The following PLXND1 variants were observed in gnomAD, a reference collection of about 807,000 sequenced individuals.
PLXND1 encodes plexin-D1.
Under a neutral mutation model 197.7 loss-of-function variants are expected in PLXND1, and 54 were observed. The observed-to-expected ratio is 0.27, with a 90% CI of 0.22 to 0.34. The LOEUF is 0.34. Ranked by LOEUF, PLXND1 falls within the 10% of genes least tolerant of loss-of-function variation. The probability of loss-of-function intolerance (pLI) is 1.00; values close to 1 mark genes in which losing one functional copy is unlikely to be tolerated. For missense variants in PLXND1, 2,127 were observed against 2,699.2 expected (o/e 0.79, Z 4.70); for synonymous variants, 1,180 against 1,161.2 (o/e 1.02, Z -0.33).
chr3:129,565,196 G>A, intron 25 of PLXND1, 144 bp downstream of exon 25: 1 of 682,276 alleles, frequency 1.5e-6, no homozygotes, highest in Admixed American at 2.3e-5. Context: ...AGGTCCTACG[G>A]GCCTGGCCTG....
At chr3:129,605,140 C>G (rs2085764647) in intron 1 of PLXND1, among the ~76,000 whole-genome samples, 189 bp downstream of exon 1, 1 of 152,210 alleles carries the variant, frequency 6.6e-6, no homozygotes, top group Non-Finnish European at 1.5e-5. Context: ...CTGGGCCATA[C>G]AGGCGCCAGT....
intron 1 of PLXND1, among the ~76,000 whole-genome samples, chr3:129,597,950 G>T (rs2085652419): frequency 6.6e-6 from 1 of 152,174 alleles, no homozygotes; most frequent in Non-Finnish European, 1.5e-5. Flanking sequence ...AGCCACAGTG[G>T]GGGCTCCGGG....
chr3:129,592,637 C>A (rs2085561601), intron 1 of PLXND1, among the ~76,000 whole-genome samples: 1 of 151,562 alleles, frequency 6.6e-6, no homozygotes, highest in Non-Finnish European at 1.5e-5. Context: ...CCCGCGCTGA[C>A]TTTCACAAGC....
chr3:129,565,934 G>A lies in PLXND1; in HGVS notation c.4275C>T (p.Val1425=), dbSNP rs1578313739. 3 of 1,614,216 alleles carry A rather than the reference G, an allele frequency of 1.9e-6. No individual in the cohort carries two copies. The African/African-American group carries it at 4.0e-5, about 22-fold the overall frequency. The change falls in exon 24 of 36, where the codon GTC becomes GTT. Residue 1425 remains valine (V), a synonymous_variant. Transcript: ENST00000324093. ...TCTGCTGCTCCAGCGCGTGGACAAAGACGATGAGGAAGTGCTTGTTGTTGA... is the reference window on the plus strand; with the variant it reads ...TCTGCTGCTCCAGCGCGTGGACAAAAACGATGAGGAAGTGCTTGTTGTTGA... ...SLLNNKHFLI[V]FVHALEQQKD...
chr3:129,565,737 C>T (rs534901117), intron 24 of PLXND1, 150 bp downstream of exon 24: 44 of 933,966 alleles, frequency 4.7e-5, no homozygotes, highest in South Asian at 8.2e-5. Context: ...CATCGTGCCC[C>T]GTGAGCCAAG....
At chr3:129,592,244 C>T (rs541563258) in intron 1 of PLXND1, among the ~76,000 whole-genome samples, 34 of 152,322 alleles carry the variant, frequency 2.2e-4, no homozygotes, top group Admixed American at 5.9e-4. Context: ...CCCAACCAGG[C>T]GGGGTCCCAC....
chr3:129,578,246 C>G (rs1012061762), intron 9 of PLXND1, 83 bp downstream of exon 9: 12 of 838,438 alleles, frequency 1.4e-5, no homozygotes, highest in South Asian at 4.3e-5. Context: ...AGGGGTCACA[C>G]CAGGACATGG....
At chr3:129,585,378 G>A (rs1271996760) in intron 5 of PLXND1, among the ~76,000 whole-genome samples, 5 of 152,176 alleles carry the variant, frequency 3.3e-5, no homozygotes, top group East Asian at 1.9e-4. Flanking sequence ...ACCCCTTGCC[G>A]GGGCCCAGAA....
intron 8 of PLXND1, among the ~76,000 whole-genome samples, chr3:129,582,664 C>T (rs1046299881): frequency 2.0e-5 from 3 of 152,214 alleles, no homozygotes; most frequent in African/African-American, 7.2e-5. Context: ...CTGCGGTGGC[C>T]TTAGAGGCTT....
At chr3:129,565,273 G>C in intron 25 of PLXND1, 67 bp downstream of exon 25, 1 of 1,370,274 alleles carries the variant, frequency 7.3e-7, no homozygotes, top group Non-Finnish European at 1.0e-6. Context: ...GGAGGCCGTG[G>C]GGTCACTGCC....
intron 1 of PLXND1, among the ~76,000 whole-genome samples, chr3:129,590,963 G>A (rs935406551): frequency 6.6e-6 from 1 of 152,226 alleles, no homozygotes; most frequent in Non-Finnish European, 1.5e-5. Flanking sequence ...TAAATTTCTT[G>A]TCTGTGCTTT....
Position 129,557,303 on chromosome 3 carries a change from C to CAGAAAA in PLXND1, c.5446-81_5446-80insTTTTCT. On this transcript the variant is annotated intron_variant, in intron 33 of 35. Coordinates refer to ENST00000324093, the MANE Select transcript of PLXND1 (RefSeq NM_015103.3). The surrounding 1 kb of genome is among the most constrained non-coding windows in gnomAD (Gnocchi z 4.8). ...GTCGTTTTCTGGATGAGCCCTCATC[C>CAGAAAA]CTCCTGCCACATAAGTGACCTTAGC... 1 of 1,525,026 alleles carries CAGAAAA rather than the reference C, an allele frequency of 6.6e-7. No homozygotes were observed. Among genetic ancestry groups the CAGAAAA allele is most frequent in the Non-Finnish European group, 9.0e-7 (1 of 1,108,232 alleles). 94.5% of individuals were successfully genotyped at this position (1,525,026 alleles called of 1,614,324 possible).
Position 129,575,549 on chromosome 3 carries a change from C to T in PLXND1, c.2450G>A (p.Arg817Gln), listed in dbSNP as rs141279701. 1.5e-4 allele frequency: 237 copies of T among 1,555,914 alleles called. No individual in the cohort carries two copies. The African/African-American group carries it at 2.8e-3, about 18-fold the overall frequency. ...GCTGAGCGGGAACACCTGGCTCTTC[C>T]GGGTCGTGTGCAGCTGCAAAAGGGC... ...RCDQVVLHTT[R>Q]KSQVFPLSLQ... Residue 817 changes from arginine to glutamine, a missense_variant, in exon 11 of 36, where the codon CGG becomes CAG. Coordinates refer to ENST00000324093, the MANE Select transcript of PLXND1 (RefSeq NM_015103.3).
chr3:129,560,126 T>C (rs2085035710), intron 31 of PLXND1, among the ~76,000 whole-genome samples: 1 of 152,248 alleles, frequency 6.6e-6, no homozygotes, highest in Non-Finnish European at 1.5e-5. Context: ...CTGTCAGGCA[T>C]TTTTCCTGGC....
chr3:129,598,081 TC>T (rs1230938814), intron 1 of PLXND1, among the ~76,000 whole-genome samples: 1 of 151,946 alleles, frequency 6.6e-6, no homozygotes, highest in Non-Finnish European at 1.5e-5. Context: ...CCCTGCTGGC[TC>T]CCCGCAGCCC....
At position 129,555,464 on chromosome 3, in the gene PLXND1, T is replaced by C; in HGVS notation, c.*848A>G. The C allele has an allele frequency of 1.5e-6, 1 of 678,294 alleles. No homozygotes were observed. Among genetic ancestry groups the C allele is most frequent in the Non-Finnish European group, 2.6e-6 (1 of 378,900 alleles). The allele number at this position is 678,294 out of a possible 1,614,324, so 42.0% of individuals were successfully genotyped here. On this transcript the variant is annotated 3_prime_UTR_variant, in exon 36 of 36. Transcript: ENST00000324093. ...TTTCCAGTGTTGCATGGGGAGCCTC[T>C]CGGGACCCCTCCCCGGGTCCTCTGC...
Position 129,555,615 on chromosome 3 carries a change from G to T in PLXND1, c.*697C>A. 1.6e-6 allele frequency: 1 copy of T among 614,754 alleles called. No individual in the cohort carries two copies. Among genetic ancestry groups the T allele is most frequent in the Non-Finnish European group, 2.9e-6 (1 of 348,312 alleles). 38.1% of individuals were successfully genotyped at this position (614,754 alleles called of 1,614,324 possible). A position where few individuals can be genotyped will look rare whatever the true frequency, so the allele number is the denominator to read the frequency against. ...ATCAAGTAGCCCAGCTACAGCCTCG[G>T]TGCATCTTAACCCCTCTCCTTTTCC... On this transcript the variant is annotated 3_prime_UTR_variant, in exon 36 of 36. Transcript: ENST00000324093.
rs570841329 is a variant in PLXND1, at chr3:129,574,620, T to A, written c.2531-130A>T. The A allele has an allele frequency of 4.4e-5, 42 of 947,376 alleles. No homozygotes were observed. The East Asian group carries it at 9.3e-4, about 21-fold the overall frequency. 58.7% of individuals were successfully genotyped at this position (947,376 alleles called of 1,614,324 possible). ...ATTGTGGTGCCCCACCCAGAGGAAG[T>A]CCTGATTCTGGGGGTCAGGATCCCC... On this transcript the variant is annotated intron_variant, in intron 11 of 35. Transcript: ENST00000324093.
In PLXND1 at chr3:129,577,718, C is replaced by T. The variant is rs946326724; in HGVS notation, c.2346+611G>A. ...CCAGGAGGGGTCCAGAAAGGAGCTG[C>T]GTCCCCAACCCCCAGCCCAGATGGT... is the stretch of plus-strand genomic sequence containing the variant. On this transcript the variant is annotated intron_variant, in intron 9 of 35. Coordinates refer to ENST00000324093, the MANE Select transcript of PLXND1 (RefSeq NM_015103.3). The surrounding 1 kb of genome is among the most constrained non-coding windows in gnomAD (Gnocchi z 5.0). 1.3e-5 allele frequency among the ~76,000 whole-genome samples: 2 copies of T among 152,202 alleles called. No individual in the cohort carries two copies. The highest frequency in any genetic ancestry group is 1.9e-4 in the East Asian group (1 of 5,178).
Sources: gnomAD v4.1 joint callset for allele counts (sites outside exome capture counted in the v4.1 genomes callset) on GRCh38, gnomAD v4.1.1 for gene constraint, Gnocchi (gnomAD v3.1) non-coding constraint, MANE v1.5 for transcripts, NCBI Gene and HGNC (gene_info 2026-07-23, HGNC 2026-07-21) for gene names.